Variants in SCO1 observed in about 807,000 individuals in gnomAD.
SCO1 encodes synthesis of cytochrome C oxidase 1, also known as cytochrome c oxidase assembly factor SCO1.
A neutral mutation model predicts 34.0 loss-of-function variants in SCO1; 23 were observed. That is an observed-to-expected ratio of 0.68 (90% CI 0.49 to 0.96). SCO1 has a LOEUF of 0.96. Ranked by LOEUF, SCO1 falls within the 40% of genes least tolerant of loss-of-function variation. The pLI is 0.00. For synonymous variants in SCO1, 161 were observed against 145.5 expected (o/e 1.11, Z -0.77); for missense variants, 404 against 381.6 (o/e 1.06, Z -0.49).
chr17:10,693,346 AG>A (rs1434784684), intron 2 of SCO1, among the ~76,000 whole-genome samples: 2 of 151,930 alleles, frequency 1.3e-5, no homozygotes, highest in Non-Finnish European at 2.9e-5. Flanking sequence ...GGTGCTAAGG[AG>A]GGCAGCTGGG....
rs1475508747 is a variant in SCO1, at chr17:10,673,580, C to T, written c.*7539G>A. On this transcript the variant is annotated 3_prime_UTR_variant, in exon 6 of 6. Coordinates refer to ENST00000255390, the MANE Select transcript of SCO1 (RefSeq NM_004589.4). ...GTAACTAAGACGGCCTTAGCAGAGC[C>T]TGGGCTGACAGGGAAGCAGGCAGTT... 2.6e-5 allele frequency: 4 copies of T among 152,182 alleles called. No individual in the cohort carries two copies. Among genetic ancestry groups the T allele is most frequent in the Non-Finnish European group, 5.9e-5 (4 of 68,078 alleles). 9.4% of individuals were successfully genotyped at this position (152,182 alleles called of 1,614,324 possible).
chr17:10,690,803 G>C (rs925851319), intron 4 of SCO1, among the ~76,000 whole-genome samples: 1 of 152,144 alleles, frequency 6.6e-6, no homozygotes, highest in Non-Finnish European at 1.5e-5. Flanking sequence ...ATCAACAGGT[G>C]AATGGATAAA....
Position 10,674,427 on chromosome 17 carries a change from AAAACAAAC to A in SCO1, c.*6684_*6691del, listed in dbSNP as rs200698018. ...GGCAACAAGAGCGAAACTCCATCTC[AAAACAAAC>A]AAACAAACAAACAAAAAAACAGACT... On this transcript the variant is annotated 3_prime_UTR_variant, in exon 6 of 6. Transcript: ENST00000255390. 9 of 288,640 alleles carry A rather than the reference AAAACAAAC, an allele frequency of 3.1e-5. 1 individual carries two copies. Among genetic ancestry groups the A allele is most frequent in the African/African-American group, 1.4e-4 (6 of 43,522 alleles). 17.9% of individuals were successfully genotyped at this position (288,640 alleles called of 1,614,324 possible).
chr17:10,696,952 AT>A lies in SCO1; in HGVS notation c.273+282del, dbSNP rs57744268. On this transcript the variant is annotated intron_variant, in intron 1 of 5. Coordinates refer to ENST00000255390, the MANE Select transcript of SCO1 (RefSeq NM_004589.4). ...TACCCTTAAGAAAACCTGAAACTTA[AT>A]TTTTTTTTTTTTTTTGATGGAAACG... is the stretch of plus-strand genomic sequence containing the variant. 0.011 allele frequency among the ~76,000 whole-genome samples: 1,552 copies of A among 146,238 alleles called. 15 individuals carry two copies. The highest frequency in any genetic ancestry group is 0.03 in the East Asian group (149 of 4,972).
chr17:10,690,385 A>G lies in SCO1; in HGVS notation c.655+1487T>C, dbSNP rs2074682408. ...TTTTTAAAAAGGGCAAATGATCTAA[A>G]TAGACATTTCTCAATAGAAGGCATA... On this transcript the variant is annotated intron_variant, in intron 4 of 5. Transcript: ENST00000255390. 2.6e-5 allele frequency among the ~76,000 whole-genome samples: 4 copies of G among 152,246 alleles called. No homozygotes were observed. The South Asian group carries it at 8.3e-4, about 32-fold the overall frequency.
rs1380653856 is a variant in SCO1, at chr17:10,679,963, G to C, written c.*1156C>G. 3 of 30,436 alleles carry C rather than the reference G, an allele frequency of 9.9e-5. No homozygotes were observed. The highest frequency in any genetic ancestry group is 1.8e-4 in the Non-Finnish European group (3 of 16,528). The allele number at this position is 30,436 out of a possible 1,614,324, so 1.9% of individuals were successfully genotyped here. ...AAAATCTTCTGTAGAGATGGGGGCG[G>C]GGGGGGGGGGTCTCACTATGTTGCC... On this transcript the variant is annotated 3_prime_UTR_variant, in exon 6 of 6. Coordinates refer to ENST00000255390, the MANE Select transcript of SCO1 (RefSeq NM_004589.4).
chr17:10,697,183 G>C, intron 1 of SCO1, 52 bp downstream of exon 1: 1 of 1,458,604 alleles, frequency 6.9e-7, no homozygotes, highest in Non-Finnish European at 9.1e-7. Context: ...GTGGCCGCTG[G>C]GCTGGCCGAC....
chr17:10,695,336 C>T (rs2074714821), intron 2 of SCO1, among the ~76,000 whole-genome samples: 1 of 152,182 alleles, frequency 6.6e-6, no homozygotes, highest in Admixed American at 6.5e-5. Context: ...ACCTCAAAGG[C>T]TCGACTACAT....
chr17:10,697,504 C>T lies in SCO1; in HGVS notation c.4G>A (p.Ala2Thr). ...CGTCCGGGTACTAGGACCAGCATCG[C>T]CATGAGCCTCGGAGACCGGGTCTCC... M[A>T]MLVLVPGRVM... is the part of the protein sequence containing the mutation. The change falls in exon 1 of 6, where the codon GCG becomes ACG. Residue 2 changes from alanine to threonine, a missense_variant. Physicochemically the swap from Ala to Thr is moderately conservative, Grantham distance 58. Coordinates refer to ENST00000255390, the MANE Select transcript of SCO1 (RefSeq NM_004589.4). The T allele has an allele frequency of 6.2e-7, 1 of 1,613,338 alleles. No homozygotes were observed. The highest frequency in any genetic ancestry group is 1.1e-5 in the South Asian group (1 of 91,030).
intron 3 of SCO1, among the ~76,000 whole-genome samples, chr17:10,692,252 T>C (rs2074694834): frequency 6.6e-6 from 1 of 152,240 alleles, no homozygotes; most frequent in Non-Finnish European, 1.5e-5. Flanking sequence ...CCCTGGATAA[T>C]GTCATGTGGC....
chr17:10,696,128 A>AC (rs1186001149), intron 1 of SCO1, among the ~76,000 whole-genome samples: 2 of 143,700 alleles, frequency 1.4e-5, no homozygotes, highest in African/African-American at 5.1e-5. Context: ...ACTATGTGTG[A>AC]CCCTAGCTCC....
Position 10,697,452 on chromosome 17 carries a change from A to T in SCO1, c.56T>A (p.Leu19His). Residue 19 changes from leucine (L) to histidine (H), a missense_variant, in exon 1 of 6, where the codon CTT becomes CAT. Physicochemically the swap from Leu to His is moderately conservative, Grantham distance 99. Transcript: ENST00000255390. ...GAGTCCGCGAGGCAAGAAGCGCCAA[A>T]GTTGGCCACCCAGAGGCCGCATAAC... ...GRVMRPLGGQ[L>H]WRFLPRGLEF... is the part of the protein sequence containing the mutation. 1.2e-6 allele frequency: 2 copies of T among 1,613,198 alleles called. No homozygotes were observed. The highest frequency in any genetic ancestry group is 1.7e-6 in the Non-Finnish European group (2 of 1,179,862).
In SCO1 at chr17:10,691,943, T is replaced by C; in HGVS notation, c.584A>G (p.Asp195Gly). Residue 195 changes from aspartate (D) to glycine (G), a missense_variant, in exon 4 of 6, where the codon GAT becomes GGT. Coordinates refer to ENST00000255390, the MANE Select transcript of SCO1 (RefSeq NM_004589.4). ...DEIDSITTLP[D>G]LTPLFISIDP... ...AATGCTGATGAAAAGTGGAGTTAGA[T>C]CTGGCAGAGTTGTAATGCTATCTGA... is the stretch of plus-strand genomic sequence containing the variant. 1 of 1,613,158 alleles carries C rather than the reference T, an allele frequency of 6.2e-7. No homozygotes were observed. The highest frequency in any genetic ancestry group is 8.5e-7 in the Non-Finnish European group (1 of 1,179,106).
chr17:10,695,761 A>C lies in SCO1; in HGVS notation c.344T>G (p.Val115Gly), dbSNP rs942654259. Reference protein sequence around the residue: ...GGALLAGMKHVKKEKAEKLEK... With the variant: ...GGALLAGMKHGKKEKAEKLEK... The stretch of plus-strand genomic sequence containing the variant: ...CTTACTCTCTGCCTTTTCTTTCTTG[A>C]CGTGCTTCATTCCAGCCAGTAAAGC... The change falls in exon 2 of 6, where the codon GTC (valine) becomes GGC (glycine). Residue 115 changes from valine (V) to glycine (G), a missense_variant. Physicochemically the swap from Val to Gly is moderately radical, Grantham distance 109 (BLOSUM62 -3). Coordinates refer to ENST00000255390, the MANE Select transcript of SCO1 (RefSeq NM_004589.4). 27 of 1,612,840 alleles carry C rather than the reference A, an allele frequency of 1.7e-5. No homozygotes were observed. Among genetic ancestry groups the C allele is most frequent in the Non-Finnish European group, 1.5e-5 (18 of 1,179,222 alleles).
At chr17:10,682,278 G>A (rs569675130) in intron 5 of SCO1, among the ~76,000 whole-genome samples, 3 of 152,312 alleles carry the variant, frequency 2.0e-5, no homozygotes, top group African/African-American at 4.8e-5. Context: ...CTATATGTCT[G>A]TGAGGGTATT....
At chr17:10,695,957 T>C (rs2074720444) in intron 1 of SCO1, 126 bp from the exon 2 acceptor site, 1 of 730,200 alleles carries the variant, frequency 1.4e-6, no homozygotes, top group Admixed American at 2.1e-5. Flanking sequence ...GCAAAATGTT[T>C]CAGGGATGAG....
Position 10,681,148 on chromosome 17 carries a change from G to T in SCO1, c.877C>A (p.His293Asn). Residue 293 changes from histidine to asparagine, a missense_variant, in exon 6 of 6, where the codon CAC becomes AAC. By Grantham distance (68) the His-to-Asn change is moderately conservative. Transcript: ENST00000255390. ...KGEIAASIAT[H>N]MRPYRKKS is the part of the protein sequence containing the mutation. ...CTCTTTTTTCTGTATGGCCTCATGT[G>T]TGTGGCAATTGAAGCAGCTATTTCT... 6.2e-7 allele frequency: 1 copy of T among 1,614,152 alleles called. No individual in the cohort carries two copies. Among genetic ancestry groups the T allele is most frequent in the Non-Finnish European group, 8.5e-7 (1 of 1,180,020 alleles).
chr17:10,685,488 C>T (rs1369320908), intron 5 of SCO1, among the ~76,000 whole-genome samples: 1 of 152,200 alleles, frequency 6.6e-6, no homozygotes, highest in Admixed American at 6.5e-5. Context: ...GTAACTTGGG[C>T]ATGACCTTAA....
intron 5 of SCO1, among the ~76,000 whole-genome samples, chr17:10,685,829 G>A (rs911989169): frequency 1.3e-5 from 2 of 152,184 alleles, no homozygotes; most frequent in African/African-American, 4.8e-5. Flanking sequence ...TGGCACCCAA[G>A]TATCTGGTTT....
Sources: allele counts gnomAD v4.1 joint callset (sites outside exome capture counted in the v4.1 genomes callset), GRCh38; gene constraint gnomAD v4.1.1; transcripts MANE v1.5; gene names NCBI Gene and HGNC (gene_info 2026-07-23, HGNC 2026-07-21).